Variants in TMPRSS12 observed in about 807,000 individuals in gnomAD.
The protein encoded by TMPRSS12 is transmembrane serine protease 12.
TMPRSS12 carries 25 observed loss-of-function variants against 26.0 expected under a neutral mutation model. The observed-to-expected ratio is 0.96, with a 90% CI of 0.70 to 1.34. The LOEUF is 1.34. TMPRSS12 is among the 40% of genes most tolerant of loss of function. TMPRSS12 has a pLI of 0.00. For missense variants in TMPRSS12, 441 were observed against 440.1 expected (o/e 1.00, Z -0.02); for synonymous variants, 150 against 161.7 (o/e 0.93, Z 0.55).
intron 2 of TMPRSS12, among the ~76,000 whole-genome samples, chr12:50,855,985 T>G (rs573598078): frequency 1.5e-3 from 223 of 152,240 alleles, no homozygotes; most frequent in African/African-American, 5.2e-3. Context: ...TGTTGTTATC[T>G]CTCATAAGTG....
In TMPRSS12 at chr12:50,843,982, A is replaced by T. The variant is rs751557394; in HGVS notation, c.328A>T (p.Thr110Ser). ...TGTTCTTGTTCATGTATGTGGGGGAACCCTAGTGAGAGAGAGGTGGGTCCT... is the reference window on the plus strand; with the variant it reads ...TGTTCTTGTTCATGTATGTGGGGGATCCCTAGTGAGAGAGAGGTGGGTCCT... ...GRVLVHVCGG[T>S]LVRERWVLTA... is the part of the protein sequence containing the mutation. The change falls in exon 2 of 5, where the codon ACC (threonine) becomes TCC (serine). Residue 110 changes from threonine to serine, a missense_variant. Transcript: ENST00000398458. 1.2e-6 allele frequency: 2 copies of T among 1,606,732 alleles called. No homozygotes were observed. The highest frequency in any genetic ancestry group is 2.7e-5 in the African/African-American group (2 of 74,658).
At position 50,853,596 on chromosome 12, in the gene TMPRSS12, AAAAG is replaced by A. The variant is rs1233339210; in HGVS notation, c.384-5186_384-5183del. ...GCTAGACTAACAAAAAAAAAAAAAAAAAAGAAGAAGGAGAGAGAAGATCCAAATA... is the reference window on the plus strand; with the variant it reads ...GCTAGACTAACAAAAAAAAAAAAAAAAAGAAGGAGAGAGAAGATCCAAATA... On this transcript the variant is annotated intron_variant, in intron 2 of 4. Coordinates refer to ENST00000398458, the MANE Select transcript of TMPRSS12 (RefSeq NM_182559.3). Among the ~76,000 whole-genome samples the A allele has an allele frequency of 9.0e-4, 136 of 151,270 alleles. 1 individual carries two copies. Among genetic ancestry groups the A allele is most frequent in the African/African-American group, 3.1e-3 (130 of 41,402 alleles).
rs1432237492 is a variant in TMPRSS12 at position 50,872,887 on chromosome 12, G to GTA, written c.653-12353_653-12352dup. ...GACTATATATGTACATATATATGAC[G>GTA]TATATATGTACATATATATGACTAT... On this transcript the variant is annotated intron_variant, in intron 3 of 4. Transcript: ENST00000398458. Among the ~76,000 whole-genome samples the GTA allele has an allele frequency of 3.9e-4, 27 of 68,444 alleles. 3 individuals are homozygous for GTA. The highest frequency in any genetic ancestry group is 7.1e-4 in the African/African-American group (9 of 12,610). The allele number at this position is 68,444 out of a possible 152,430, so 44.9% of individuals were successfully genotyped here.
rs150299015 is a variant in TMPRSS12, at chr12:50,862,956, G to A, written c.652+3903G>A. Among the ~76,000 whole-genome samples, 756 of 152,140 alleles carry A rather than the reference G, an allele frequency of 5.0e-3. 18 individuals are homozygous for A. The highest frequency in any genetic ancestry group is 0.045 in the Admixed American group (680 of 15,278). Reference sequence around the variant, plus strand: ...ACGTGTAATCCTAGCACTTTGAGGGGCTGAGGTGGGAGGACTGCTTGAGGC... The same window carrying A: ...ACGTGTAATCCTAGCACTTTGAGGGACTGAGGTGGGAGGACTGCTTGAGGC... On this transcript the variant is annotated intron_variant, in intron 3 of 4. Coordinates refer to ENST00000398458, the MANE Select transcript of TMPRSS12 (RefSeq NM_182559.3).
rs575750797 is a variant in TMPRSS12 at position 50,862,674 on chromosome 12, T to C, written c.652+3621T>C. 3.2e-3 allele frequency among the ~76,000 whole-genome samples: 486 copies of C among 152,162 alleles called. 3 individuals carry two copies. The highest frequency in any genetic ancestry group is 0.017 in the Middle Eastern group (5 of 294). ...TCCAGTAGCTGGGATTACAGAGGTG[T>C]ACCACCACGCCCAGTTAATTTTTGT... On this transcript the variant is annotated intron_variant, in intron 3 of 4. Coordinates refer to ENST00000398458, the MANE Select transcript of TMPRSS12 (RefSeq NM_182559.3).
At chr12:50,868,946 T>A (rs1336527590) in intron 3 of TMPRSS12, among the ~76,000 whole-genome samples, 3 of 152,136 alleles carry the variant, frequency 2.0e-5, no homozygotes, top group African/African-American at 7.2e-5. Flanking sequence ...TTCTTCAAAC[T>A]GAATGACAAT....
chr12:50,875,506 A>G (rs1318569070), intron 3 of TMPRSS12, among the ~76,000 whole-genome samples: 1 of 151,044 alleles, frequency 6.6e-6, no homozygotes, highest in Non-Finnish European at 1.5e-5. Context: ...AAAAAAAAAA[A>G]AGACTACAGT....
At chr12:50,843,791 A>C (rs1237660333) in intron 1 of TMPRSS12, 51 bp from the exon 2 acceptor site, 4 of 1,519,250 alleles carry the variant, frequency 2.6e-6, no homozygotes, top group Non-Finnish European at 3.6e-6. Flanking sequence ...CTTAGGAAGT[A>C]ACACATACTA....
At chr12:50,873,140 G>A (rs947016477) in intron 3 of TMPRSS12, among the ~76,000 whole-genome samples, 4 of 151,848 alleles carry the variant, frequency 2.6e-5, no homozygotes, top group Admixed American at 2.6e-4. Context: ...TAAACTATGA[G>A]GATGCAAAGG....
chr12:50,869,111 C>A (rs1033733643), intron 3 of TMPRSS12, among the ~76,000 whole-genome samples: 4 of 148,942 alleles, frequency 2.7e-5, no homozygotes, highest in South Asian at 2.1e-4. Context: ...GAAAAAAAAA[C>A]AAACCCAAAC....
In TMPRSS12 at chr12:50,858,885, A is replaced by G. The variant is rs1445588458; in HGVS notation, c.484A>G (p.Asn162Asp). 3 of 1,594,872 alleles carry G rather than the reference A, an allele frequency of 1.9e-6. No homozygotes were observed. Among genetic ancestry groups the G allele is most frequent in the Admixed American group, 3.5e-5 (2 of 57,186 alleles). ...AATTAAAGCAATCATTATTCATCCA[A>G]ACTTCATTTTGGAATCTTATGTAAA... ...IKIKAIIIHP[N>D]FILESYVNDI... Residue 162 changes from asparagine (N) to aspartate (D), a missense_variant, in exon 3 of 5, where the codon AAC becomes GAC. Physicochemically the swap from Asn to Asp is conservative, Grantham distance 23 (BLOSUM62 1). Coordinates refer to ENST00000398458, the MANE Select transcript of TMPRSS12 (RefSeq NM_182559.3).
At position 50,887,296 on chromosome 12, in the gene TMPRSS12, C is replaced by T. The variant is rs2139741136; in HGVS notation, c.830C>T (p.Pro277Leu). Residue 277 changes from proline (P) to leucine (L), a missense_variant, in exon 5 of 5, where the codon CCA (proline) becomes CTA (leucine). Transcript: ENST00000398458. ...GGGGGACCATTAATGTGCTACTTAC[C>T]AGAATATAAAAGATTTTTTGTAATG... ...DSGGPLMCYL[P>L]EYKRFFVMGI... 6.2e-7 allele frequency: 1 copy of T among 1,613,702 alleles called. No homozygotes were observed. The highest frequency in any genetic ancestry group is 1.6e-4 in the Middle Eastern group (1 of 6,062).
chr12:50,878,953 C>G (rs1292155636), intron 3 of TMPRSS12, among the ~76,000 whole-genome samples: 2 of 152,186 alleles, frequency 1.3e-5, no homozygotes, highest in Non-Finnish European at 2.9e-5. Context: ...GCTGCCTTGC[C>G]CTTCCACCAC....
At chr12:50,876,970 G>C (rs562548511) in intron 3 of TMPRSS12, among the ~76,000 whole-genome samples, 158 of 152,166 alleles carry the variant, frequency 1.0e-3, no homozygotes, top group African/African-American at 3.8e-3. Flanking sequence ...ACCAAATACT[G>C]CATGTTCTCA....
intron 2 of TMPRSS12, among the ~76,000 whole-genome samples, chr12:50,849,818 C>T (rs1209053975): frequency 3.3e-5 from 5 of 151,924 alleles, no homozygotes; most frequent in African/African-American, 1.2e-4. Flanking sequence ...GTGAATTGGA[C>T]AAACGCATAC....
intron 3 of TMPRSS12, among the ~76,000 whole-genome samples, chr12:50,861,951 G>A (rs1174223829): frequency 2.6e-5 from 4 of 151,752 alleles, no homozygotes; most frequent in Non-Finnish European, 4.4e-5. Context: ...CTGGGACTAC[G>A]GGCACGTGCC....
intron 2 of TMPRSS12, among the ~76,000 whole-genome samples, chr12:50,847,541 A>C (rs1370175441): frequency 6.6e-6 from 1 of 152,056 alleles, no homozygotes; most frequent in Non-Finnish European, 1.5e-5. Context: ...TGCTACAAGA[A>C]GACATAAATG....
intron 3 of TMPRSS12, among the ~76,000 whole-genome samples, chr12:50,867,279 T>A (rs929834010): frequency 3.3e-5 from 5 of 152,028 alleles, no homozygotes; most frequent in Admixed American, 6.5e-5. Context: ...ATAGATAGCA[T>A]CAAGAAAAAA....
At position 50,887,498 on chromosome 12, in the gene TMPRSS12, A is replaced by C. The variant is rs1222769905; in HGVS notation, c.1032A>C (p.Leu344Phe). The C allele has an allele frequency of 6.2e-7, 1 of 1,612,304 alleles. No homozygotes were observed. Among genetic ancestry groups the C allele is most frequent in the Non-Finnish European group, 8.5e-7 (1 of 1,179,258 alleles). Residue 344 changes from leucine to phenylalanine, a missense_variant, in exon 5 of 5, where the codon TTA (leucine) becomes TTC (phenylalanine). Transcript: ENST00000398458. ...TCATAGCTTTATGTTTTGTCATCTT[A>C]CTAGCAACAACATAAAGAAATTCTG... ...QILIALCFVI[L>F]LATT is the part of the protein sequence containing the mutation.
Sources: allele counts gnomAD v4.1 joint callset (sites outside exome capture counted in the v4.1 genomes callset), GRCh38; gene constraint gnomAD v4.1.1; transcripts MANE v1.5; gene names NCBI Gene and HGNC (gene_info 2026-07-23, HGNC 2026-07-21).